Variants in GLRA2 observed in about 807,000 individuals in gnomAD.
GLRA2 encodes glycine receptor alpha 2, also known as glycine receptor subunit alpha-2.
Under a neutral mutation model 31.6 loss-of-function variants are expected in GLRA2, and 11 were observed. That is an observed-to-expected ratio of 0.35 (90% CI 0.22 to 0.58). The LOEUF is 0.58. GLRA2 is among the 20% of genes least tolerant of loss of function. The probability of loss-of-function intolerance (pLI) is 0.84; values close to 1 mark genes in which losing one functional copy is unlikely to be tolerated. For missense variants in GLRA2, 212 were observed against 351.8 expected (o/e 0.60, Z 3.18); for synonymous variants, 132 against 134.0 (o/e 0.99, Z 0.10).
At chrX:14,538,112 C>T (rs2089350446) in intron 2 of GLRA2, among the ~76,000 whole-genome samples, 1 of 109,945 alleles carries the variant, frequency 9.1e-6, no homozygotes, top group South Asian at 4.0e-4. Flanking sequence ...AAGCATATTG[C>T]AATAAGTTTG....
chrX:14,542,599 G>A (rs1206509721), intron 2 of GLRA2, among the ~76,000 whole-genome samples: 1 of 109,158 alleles, frequency 9.2e-6, no homozygotes. Context: ...TGCTTATCTT[G>A]AGACCAGTCC....
At chrX:14,505,301 C>G in the GLRA2 span, among the ~76,000 whole-genome samples, 4 of 112,104 alleles carry the variant, frequency 3.6e-5, no homozygotes, top group African/African-American at 1.3e-4. Context: ...AAGAAAAGAT[C>G]TGGGAACTGG....
At chrX:14,690,651 GTCTT>G in intron 7 of GLRA2, 55 bp from the exon 8 acceptor site, 1 of 861,625 alleles carries the variant, frequency 1.2e-6, no homozygotes, top group East Asian at 3.1e-5. Flanking sequence ...GGCTTTCATA[GTCTT>G]TCTTTCTCTC....
chrX:14,570,189 T>C (rs942388921), intron 2 of GLRA2, among the ~76,000 whole-genome samples: 2 of 112,079 alleles, frequency 1.8e-5, no homozygotes, highest in African/African-American at 6.5e-5. Context: ...TTGCACAATA[T>C]TGTGAATGCA....
chrX:14,489,395 T>C, the GLRA2 span, among the ~76,000 whole-genome samples: 11 of 111,453 alleles, frequency 9.9e-5, no homozygotes, highest in African/African-American at 3.6e-4. Flanking sequence ...CAGCTAAAGA[T>C]GGGGTCCTTG....
intron 2 of GLRA2, among the ~76,000 whole-genome samples, chrX:14,569,717 G>C (rs748864088): frequency 1.8e-4 from 20 of 112,665 alleles, no homozygotes; most frequent in African/African-American, 6.1e-4. Flanking sequence ...AATGCTAAAC[G>C]TGAAATTATC....
rs1429074367 is a variant in GLRA2 at position 14,700,629 on chromosome X, G to A, written c.1080+9770G>A. Reference sequence around the variant, plus strand: ...ACATTGGTAACCTCAACAACAGCAGGCTCAGTGGAGAGACGGAGGCAGACA... The same window carrying A: ...ACATTGGTAACCTCAACAACAGCAGACTCAGTGGAGAGACGGAGGCAGACA... On this transcript the variant is annotated intron_variant, in intron 8 of 8. Transcript: ENST00000218075. Among the ~76,000 whole-genome samples the A allele has an allele frequency of 1.8e-4, 20 of 111,716 alleles. No individual in the cohort carries two copies. In the Admixed American group the frequency reaches 1.9e-3, roughly 11 times the overall value.
At chrX:14,530,614 C>A (rs1040704361) in intron 1 of GLRA2, among the ~76,000 whole-genome samples, 1 of 111,530 alleles carries the variant, frequency 9.0e-6, no homozygotes, top group Admixed American at 9.5e-5. Context: ...CAGGAATTTT[C>A]TTGAAATATC....
At chrX:14,668,092 T>C (rs1044785104) in intron 7 of GLRA2, among the ~76,000 whole-genome samples, 1 of 111,491 alleles carries the variant, frequency 9.0e-6, no homozygotes, top group African/African-American at 3.3e-5. Flanking sequence ...CTCACTCATA[T>C]AGTTGTTGGC....
intron 2 of GLRA2, among the ~76,000 whole-genome samples, chrX:14,553,599 T>A (rs2089598203): frequency 9.0e-6 from 1 of 111,522 alleles, no homozygotes; most frequent in African/African-American, 3.3e-5. Flanking sequence ...CTTTCCCATA[T>A]CCCCGGTCCC....
intron 4 of GLRA2, among the ~76,000 whole-genome samples, chrX:14,599,571 T>C (rs1199833167): frequency 8.9e-6 from 1 of 112,365 alleles, no homozygotes; most frequent in Non-Finnish European, 1.9e-5. Context: ...AGTTCTTTTT[T>C]TCCCCCAAAC....
chrX:14,698,651 C>A, intron 8 of GLRA2, among the ~76,000 whole-genome samples: 1 of 88,690 alleles, frequency 1.1e-5, no homozygotes, highest in Middle Eastern at 7.8e-3. Flanking sequence ...GTACTCCAGC[C>A]TGGGCGACAG....
the GLRA2 span, among the ~76,000 whole-genome samples, chrX:14,460,393 C>A: frequency 0.051 from 5,640 of 111,473 alleles, 340 homozygotes; most frequent in African/African-American, 0.17. Context: ...ACATAAAATG[C>A]GTTAGGGAGG....
At chrX:14,562,512 T>C (rs1199729720) in intron 2 of GLRA2, among the ~76,000 whole-genome samples, 1 of 111,662 alleles carries the variant, frequency 9.0e-6, no homozygotes, top group Non-Finnish European at 1.9e-5. Context: ...ATGCAAGGAG[T>C]TTATATTTGT....
At chrX:14,584,432 G>T (rs2147069673) in intron 4 of GLRA2, among the ~76,000 whole-genome samples, 1 of 111,524 alleles carries the variant, frequency 9.0e-6, no homozygotes, top group African/African-American at 3.3e-5. Context: ...TAGTCTCCTT[G>T]CAAATAATTT....
chrX:14,602,978 TTTTC>T (rs2090292881), intron 4 of GLRA2, among the ~76,000 whole-genome samples: 1 of 111,599 alleles, frequency 9.0e-6, no homozygotes, highest in South Asian at 3.7e-4. Context: ...ATAGTTCTAC[TTTTC>T]TTTCTTTAAG....
chrX:14,583,003 G>C (rs750816967), intron 4 of GLRA2, among the ~76,000 whole-genome samples: 6 of 111,967 alleles, frequency 5.4e-5, no homozygotes, highest in East Asian at 5.6e-4. Context: ...GCCTGACACA[G>C]AGTAAATGTT....
chrX:14,691,324 T>TGTGTGTGTGTGC (rs1224170856), intron 8 of GLRA2, among the ~76,000 whole-genome samples: 1 of 64,345 alleles, frequency 1.6e-5, no homozygotes, highest in South Asian at 7.3e-4. Context: ...TGTGTGTGTG[T>TGTGTGTGTGTGC]GCGCGCGTGC....
At chrX:14,603,842 C>G (rs1265383039) in intron 4 of GLRA2, among the ~76,000 whole-genome samples, 1 of 111,716 alleles carries the variant, frequency 9.0e-6, no homozygotes, top group African/African-American at 3.2e-5. Flanking sequence ...TAAGCATTTG[C>G]CCATTTGATG....
Sources: gnomAD v4.1 joint callset for allele counts (sites outside exome capture counted in the v4.1 genomes callset) on GRCh38, gnomAD v4.1.1 for gene constraint, MANE v1.5 for transcripts, NCBI Gene and HGNC (gene_info 2026-07-23, HGNC 2026-07-21) for gene names.